Variants in SLC22A16 observed in about 807,000 individuals in gnomAD.
The protein encoded by SLC22A16 is WUGSC:RG331P03.1.
In SLC22A16, 53 loss-of-function variants were observed where a neutral mutation model predicts 52.9. The observed-to-expected ratio is 1.00, with a 90% CI of 0.80 to 1.26. The LOEUF (loss-of-function observed/expected upper bound fraction) is 1.26, where lower values mean the gene tolerates loss of function less well. Ranked by LOEUF, SLC22A16 falls within the 50% of genes most tolerant of loss-of-function variation. The probability of loss-of-function intolerance (pLI) is 0.00; values close to 1 mark genes in which losing one functional copy is unlikely to be tolerated. For synonymous variants in SLC22A16, 291 were observed against 268.8 expected (o/e 1.08, Z -0.81); for missense variants, 726 against 704.0 (o/e 1.03, Z -0.35).
At chr6:110,467,411 T>C (rs1776108265) in intron 1 of SLC22A16, among the ~76,000 whole-genome samples, 1 of 152,186 alleles carries the variant, frequency 6.6e-6, no homozygotes. Flanking sequence ...GAACACCAGG[T>C]GAATGTTTTC....
intron 6 of SLC22A16, among the ~76,000 whole-genome samples, chr6:110,434,795 T>C (rs1774655883): frequency 6.6e-6 from 1 of 152,092 alleles, no homozygotes. Context: ...CTGACCAACA[T>C]GGTGAAACCC....
intron 3 of SLC22A16, among the ~76,000 whole-genome samples, chr6:110,443,413 C>A (rs529999183): frequency 6.6e-6 from 1 of 152,140 alleles, no homozygotes; most frequent in South Asian, 2.1e-4. Flanking sequence ...TGGGCAAAGG[C>A]TTTGAACAGA....
chr6:110,433,735 A>C (rs184323720), intron 6 of SLC22A16, among the ~76,000 whole-genome samples: 1 of 152,324 alleles, frequency 6.6e-6, no homozygotes, highest in East Asian at 1.9e-4. Context: ...CCAAGCTAAC[A>C]AATTTTTTCC....
At chr6:110,468,146 G>T (rs1411469035) in intron 1 of SLC22A16, among the ~76,000 whole-genome samples, 1 of 152,218 alleles carries the variant, frequency 6.6e-6, no homozygotes, top group African/African-American at 2.4e-5. Context: ...GTCCACGAAA[G>T]AAAACTACAA....
chr6:110,424,862 G>T lies in SLC22A16; in HGVS notation c.*11C>A, dbSNP rs1333212756. ...TAATATTTCAGGTGCTAGACAGCAG[G>T]CATGGCACATTTATTCACCAAGACC... On this transcript the variant is annotated 3_prime_UTR_variant, in exon 8 of 8. Transcript: ENST00000368919. 6.2e-7 allele frequency: 1 copy of T among 1,614,032 alleles called. No homozygotes were observed. Among genetic ancestry groups the T allele is most frequent in the African/African-American group, 1.3e-5 (1 of 75,028 alleles).
At chr6:110,430,948 T>C (rs920809081) in intron 7 of SLC22A16, among the ~76,000 whole-genome samples, 1 of 152,154 alleles carries the variant, frequency 6.6e-6, no homozygotes, top group African/African-American at 2.4e-5. Context: ...GGCAGAGTTG[T>C]AATGAACAGC....
In SLC22A16 at chr6:110,456,576, G is replaced by A. The variant is rs1247886650; in HGVS notation, c.495C>T (p.Val165=). ...AGCCAAAAGTCACCGATCCCAGTAGGACTCCAAACATAAATAGGGGCTGGA... is the reference window on the plus strand; with the variant it reads ...AGCCAAAAGTCACCGATCCCAGTAGAACTCCAAACATAAATAGGGGCTGGA... The part of the protein sequence containing the change: ...MLIQPLFMFG[V]LLGSVTFGYF... Residue 165 remains valine, a synonymous_variant, in exon 2 of 8, where the codon GTC becomes GTT. Coordinates refer to ENST00000368919, the MANE Select transcript of SLC22A16 (RefSeq NM_033125.4). 1 of 1,614,014 alleles carries A rather than the reference G, an allele frequency of 6.2e-7. No homozygotes were observed. The highest frequency in any genetic ancestry group is 8.5e-7 in the Non-Finnish European group (1 of 1,180,026).
At chr6:110,443,695 T>C (rs1775062496) in intron 3 of SLC22A16, among the ~76,000 whole-genome samples, 1 of 152,136 alleles carries the variant, frequency 6.6e-6, no homozygotes, top group African/African-American at 2.4e-5. Flanking sequence ...CCCAAAGGAA[T>C]TGAAAGTGGG....
At chr6:110,457,466 C>T (rs1406443015) in intron 1 of SLC22A16, among the ~76,000 whole-genome samples, 4 of 152,160 alleles carry the variant, frequency 2.6e-5, no homozygotes, top group Non-Finnish European at 5.9e-5. Flanking sequence ...CTGTGGGTGG[C>T]AAGCCACCCA....
intron 1 of SLC22A16, chr6:110,475,953 T>G (rs1164663414): frequency 2.2e-6 from 1 of 456,206 alleles, no homozygotes; most frequent in African/African-American, 2.0e-5. Flanking sequence ...CTTTGCAGGG[T>G]CCCGGTGAAC....
At position 110,435,859 on chromosome 6, in the gene SLC22A16, T is replaced by A; in HGVS notation, c.1414A>T (p.Ile472Phe). Residue 472 changes from isoleucine to phenylalanine, a missense_variant, in exon 6 of 8, where the codon ATT (isoleucine) becomes TTT (phenylalanine). By Grantham distance (21) the Ile-to-Phe change is conservative. Coordinates refer to ENST00000368919, the MANE Select transcript of SLC22A16 (RefSeq NM_033125.4). The stretch of plus-strand genomic sequence containing the variant: ...AAAACAATTCATCCTTACCTTACAA[T>A]GGTTGGATACAGCTCAGCTGTATAA... ...YLYTAELYPTIVRSLAVGSGS... is the reference protein window; with the variant it reads ...YLYTAELYPTFVRSLAVGSGS... 2 of 1,599,796 alleles carry A rather than the reference T, an allele frequency of 1.3e-6. No individual in the cohort carries two copies. Among genetic ancestry groups the A allele is most frequent in the East Asian group, 2.2e-5 (1 of 44,718 alleles).
rs59250220 is a variant in SLC22A16 at position 110,443,522 on chromosome 6, T to TA, written c.652-748dup. Among the ~76,000 whole-genome samples the TA allele has an allele frequency of 4.9e-4, 72 of 147,848 alleles. 1 individual carries two copies. Among genetic ancestry groups the TA allele is most frequent in the South Asian group, 8.6e-4 (4 of 4,650 alleles). On this transcript the variant is annotated intron_variant, in intron 3 of 7. Coordinates refer to ENST00000368919, the MANE Select transcript of SLC22A16 (RefSeq NM_033125.4). ...CCTCATACACATTAGTGTGGCTAAT[T>TA]AAAAAAAAAAATAACAAGTTTTGGC...
At chr6:110,431,077 T>C (rs147228326) in intron 7 of SLC22A16, 94 bp downstream of exon 7, 2 of 1,033,022 alleles carry the variant, frequency 1.9e-6, no homozygotes, top group East Asian at 2.4e-5. Context: ...AATGATGTAC[T>C]GGCTTTCAGT....
At chr6:110,463,610 C>A (rs79526185) in intron 1 of SLC22A16, among the ~76,000 whole-genome samples, 9,866 of 149,076 alleles carry the variant, frequency 0.066, 516 homozygotes, top group East Asian at 0.3. Flanking sequence ...AATACATATG[C>A]ACCCAGCATC....
In SLC22A16 at chr6:110,424,997, T is replaced by C. The variant is rs747012840; in HGVS notation, c.1610A>G (p.Glu537Gly). ...TLGKRLATTW[E>G]EAAKLESENE... ...CTCTGACTCCAGTTTTGCAGCCTCC[T>C]CCCAAGTAGTTGCTAGCCGTTTCCC... is the stretch of plus-strand genomic sequence containing the variant. Residue 537 changes from glutamate to glycine, a missense_variant, in exon 8 of 8, where the codon GAG becomes GGG. Transcript: ENST00000368919. 6.2e-7 allele frequency: 1 copy of C among 1,614,158 alleles called. No individual in the cohort carries two copies. The highest frequency in any genetic ancestry group is 8.5e-7 in the Non-Finnish European group (1 of 1,180,034).
At chr6:110,437,823 T>C (rs1481329640) in intron 5 of SLC22A16, among the ~76,000 whole-genome samples, 1 of 152,170 alleles carries the variant, frequency 6.6e-6, no homozygotes, top group Admixed American at 6.5e-5. Flanking sequence ...AATATGGGAA[T>C]GTGAAAGTCA....
At chr6:110,451,457 CA>C (rs1425790164) in intron 2 of SLC22A16, among the ~76,000 whole-genome samples, 2 of 152,312 alleles carry the variant, frequency 1.3e-5, no homozygotes, top group African/African-American at 4.8e-5. Context: ...ATATCCTCAC[CA>C]ACACTTAGTA....
rs112476729 is a variant in SLC22A16 at position 110,427,041 on chromosome 6, C to T, written c.1522-1956G>A. The stretch of plus-strand genomic sequence containing the variant: ...CTAAGGCTGGCGGATCACGTGAGGT[C>T]AGGAGTTTGAGACCAGCCTGGGCAA... On this transcript the variant is annotated intron_variant, in intron 7 of 7. Transcript: ENST00000368919. 6.4e-3 allele frequency among the ~76,000 whole-genome samples: 964 copies of T among 151,640 alleles called. 9 individuals carry two copies. The highest frequency in any genetic ancestry group is 9.6e-3 in the Non-Finnish European group (654 of 67,910).
intron 3 of SLC22A16, among the ~76,000 whole-genome samples, chr6:110,445,440 C>T (rs1364239729): frequency 6.6e-6 from 1 of 152,102 alleles, no homozygotes; most frequent in Non-Finnish European, 1.5e-5. Context: ...CTTGCCTTTC[C>T]TACTAGACTT....
Sources: allele counts gnomAD v4.1 joint callset (sites outside exome capture counted in the v4.1 genomes callset), GRCh38; gene constraint gnomAD v4.1.1; transcripts MANE v1.5; gene names NCBI Gene and HGNC (gene_info 2026-07-23, HGNC 2026-07-21).